Variants in PPP3CA observed in about 807,000 individuals in gnomAD.
PPP3CA encodes the protein CAM-PRP catalytic subunit.
Under a neutral mutation model 66.5 loss-of-function variants are expected in PPP3CA, and 14 were observed. That is an observed-to-expected ratio of 0.21 (90% CI 0.14 to 0.33). PPP3CA has a LOEUF of 0.33. PPP3CA is among the 10% of genes least tolerant of loss of function. The probability of loss-of-function intolerance (pLI) is 1.00; values close to 1 mark genes in which losing one functional copy is unlikely to be tolerated. For missense variants in PPP3CA, 317 were observed against 639.5 expected (o/e 0.50, Z 5.44); for synonymous variants, 232 against 226.2 (o/e 1.03, Z -0.23).
intron 1 of PPP3CA, among the ~76,000 whole-genome samples, chr4:101,275,860 G>GT (rs1560693186): frequency 1.2e-3 from 154 of 133,410 alleles, no homozygotes; most frequent in African/African-American, 4.6e-3. Context: ...GTGTATGTGT[G>GT]GTTTTTTTTT....
chr4:101,039,705 G>A lies in PPP3CA; in HGVS notation c.1241+777C>T, dbSNP rs1368410912. Among the ~76,000 whole-genome samples the A allele has an allele frequency of 4.2e-5, 6 of 144,104 alleles. No homozygotes were observed. The East Asian group carries it at 7.7e-4, about 19-fold the overall frequency. The allele number at this position is 144,104 out of a possible 152,430, so 94.5% of individuals were successfully genotyped here. A position where few individuals can be genotyped will look rare whatever the true frequency, so the allele number is the denominator to read the frequency against. On this transcript the variant is annotated intron_variant, in intron 11 of 13. Coordinates refer to ENST00000394854, the MANE Select transcript of PPP3CA (RefSeq NM_000944.5). ...AGGAGAAATCAAAAGAGCCAGTGTC[G>A]ATACTCTATGAGAAAGAGTTGGGGC...
intron 1 of PPP3CA, among the ~76,000 whole-genome samples, chr4:101,318,238 A>C (rs757676089): frequency 2.6e-5 from 4 of 152,186 alleles, no homozygotes; most frequent in African/African-American, 7.2e-5. Context: ...CTGTTCATAA[A>C]AGGCCTAGAC....
chr4:101,086,466 A>G (rs976041613), intron 6 of PPP3CA, among the ~76,000 whole-genome samples: 1 of 152,210 alleles, frequency 6.6e-6, no homozygotes. Flanking sequence ...ATATTGAACT[A>G]TATTTTCAAC....
intron 1 of PPP3CA, among the ~76,000 whole-genome samples, chr4:101,249,739 CCAA>C (rs1470978339): frequency 7.9e-5 from 12 of 152,052 alleles, no homozygotes; most frequent in Admixed American, 3.3e-4. Context: ...AGGACAGAAA[CCAA>C]CAACATTATA....
intron 3 of PPP3CA, among the ~76,000 whole-genome samples, chr4:101,106,871 C>A (rs562863719): frequency 6.6e-6 from 1 of 152,318 alleles, no homozygotes; most frequent in East Asian, 1.9e-4. Context: ...TAGGCCCTGG[C>A]ACCACGCTGT....
At chr4:101,188,681 C>T (rs912069969) in intron 2 of PPP3CA, among the ~76,000 whole-genome samples, 6 of 151,982 alleles carry the variant, frequency 3.9e-5, no homozygotes, top group Non-Finnish European at 8.8e-5. Context: ...TTTTCCCTAC[C>T]TCCTCAACAG....
Position 101,292,615 on chromosome 4 carries a change from G to C in PPP3CA, c.58+54124C>G, listed in dbSNP as rs747787631. On this transcript the variant is annotated intron_variant, in intron 1 of 13. Coordinates refer to ENST00000394854, the MANE Select transcript of PPP3CA (RefSeq NM_000944.5). Reference sequence around the variant, plus strand: ...CTCTATGCTTTGGCAATGAATTGAAGAGAGATTTTCTATTGCCACAGAACT... The same window carrying C: ...CTCTATGCTTTGGCAATGAATTGAACAGAGATTTTCTATTGCCACAGAACT... Among the ~76,000 whole-genome samples the C allele has an allele frequency of 2.4e-4, 37 of 152,294 alleles. No individual in the cohort carries two copies. The Middle Eastern group carries it at 0.01, about 42-fold the overall frequency.
At chr4:101,104,566 G>A (rs1160589491) in intron 3 of PPP3CA, among the ~76,000 whole-genome samples, 1 of 151,828 alleles carries the variant, frequency 6.6e-6, no homozygotes, top group Non-Finnish European at 1.5e-5. Context: ...TTTACCACGT[G>A]TGACCCCCGA....
chr4:101,311,776 A>T (rs1728729846), intron 1 of PPP3CA, among the ~76,000 whole-genome samples: 1 of 152,174 alleles, frequency 6.6e-6, no homozygotes, highest in South Asian at 2.1e-4. Context: ...GGATACAAAA[A>T]TGATACCAAA....
chr4:101,255,846 G>A (rs973534804), intron 1 of PPP3CA, among the ~76,000 whole-genome samples: 3 of 151,794 alleles, frequency 2.0e-5, no homozygotes, highest in African/African-American at 7.3e-5. Flanking sequence ...CATAATCACT[G>A]TTGGTTCTGT....
At position 101,282,808 on chromosome 4, in the gene PPP3CA, C is replaced by A. The variant is rs3804426; in HGVS notation, c.58+63931G>T. 1.5e-3 allele frequency among the ~76,000 whole-genome samples: 224 copies of A among 152,276 alleles called. 2 individuals are homozygous for A. In the East Asian group the frequency reaches 0.042, roughly 28 times the overall value. Reference sequence around the variant, plus strand: ...GCTGATTTACACAGAGGAGGAAAACCTGTTTCCGGGGCAGTCCCCAACATA... The same window carrying A: ...GCTGATTTACACAGAGGAGGAAAACATGTTTCCGGGGCAGTCCCCAACATA... On this transcript the variant is annotated intron_variant, in intron 1 of 13. Transcript: ENST00000394854.
At chr4:101,320,018 T>C (rs1305615909) in intron 1 of PPP3CA, among the ~76,000 whole-genome samples, 1 of 152,138 alleles carries the variant, frequency 6.6e-6, no homozygotes, top group East Asian at 1.9e-4. Context: ...CAATCCCCAA[T>C]TTCCATACGA....
At chr4:101,207,883 G>A (rs1340893018) in intron 1 of PPP3CA, among the ~76,000 whole-genome samples, 2 of 151,470 alleles carry the variant, frequency 1.3e-5, no homozygotes, top group African/African-American at 4.8e-5. Flanking sequence ...CTCAGCCTAA[G>A]CACATATATA....
At chr4:101,293,197 G>T (rs1024464441) in intron 1 of PPP3CA, among the ~76,000 whole-genome samples, 2 of 152,144 alleles carry the variant, frequency 1.3e-5, no homozygotes, top group African/African-American at 4.8e-5. Context: ...TGGAAAACAT[G>T]CCCTTTTCCC....
chr4:101,142,212 T>A (rs576516957), intron 2 of PPP3CA, among the ~76,000 whole-genome samples: 19 of 152,342 alleles, frequency 1.2e-4, no homozygotes, highest in African/African-American at 4.3e-4. Flanking sequence ...ATTTTAATTA[T>A]CTGTACAGAA....
At chr4:101,088,584 CA>C (rs1174497803) in intron 6 of PPP3CA, among the ~76,000 whole-genome samples, 1,352 of 35,734 alleles carry the variant, frequency 0.038, 1 homozygote, top group African/African-American at 0.05. Context: ...GACTCCATCT[CA>C]AAAAAAAAAA....
chr4:101,329,600 G>A (rs970037399), intron 1 of PPP3CA, among the ~76,000 whole-genome samples: 5 of 152,152 alleles, frequency 3.3e-5, no homozygotes, highest in African/African-American at 1.2e-4. Context: ...CTAGAGAGGG[G>A]AAGTGAACTC....
rs1223124291 is a variant in PPP3CA, at chr4:101,106,440, A to G, written c.384+2514T>C. ...AAGAAAGAAAGAAAGAAAGAAAGAA[A>G]GAAAGAAAGAAAGAGAAAAGAAAAG... is the stretch of plus-strand genomic sequence containing the variant. On this transcript the variant is annotated intron_variant, in intron 3 of 13. Coordinates refer to ENST00000394854, the MANE Select transcript of PPP3CA (RefSeq NM_000944.5). 3.7e-4 allele frequency among the ~76,000 whole-genome samples: 5 copies of G among 13,520 alleles called. 2 individuals are homozygous for G. Among genetic ancestry groups the G allele is most frequent in the Admixed American group, 2.0e-3 (2 of 994 alleles). The allele number at this position is 13,520 out of a possible 152,430, so 8.9% of individuals were successfully genotyped here. A position where few individuals can be genotyped will look rare whatever the true frequency, so the allele number is the denominator to read the frequency against.
rs1231812141 is a variant in PPP3CA, at chr4:101,106,422, AAAG to A, written c.384+2529_384+2531del. On this transcript the variant is annotated intron_variant, in intron 3 of 13. Transcript: ENST00000394854. ...GAAAGAAAGAAAGAAAGAAAGAAAG[AAAG>A]AAAGAAAGAAAGAAAGAAAGAAAGA... Among the ~76,000 whole-genome samples, 19 of 12,566 alleles carry A rather than the reference AAAG, an allele frequency of 1.5e-3. 5 individuals are homozygous for A. Among genetic ancestry groups the A allele is most frequent in the African/African-American group, 4.5e-3 (17 of 3,748 alleles). The allele number at this position is 12,566 out of a possible 152,430, so 8.2% of individuals were successfully genotyped here. A position where few individuals can be genotyped will look rare whatever the true frequency, so the allele number is the denominator to read the frequency against.
Sources: gnomAD v4.1 joint callset for allele counts (sites outside exome capture counted in the v4.1 genomes callset) on GRCh38, gnomAD v4.1.1 for gene constraint, MANE v1.5 for transcripts, NCBI Gene and HGNC (gene_info 2026-07-23, HGNC 2026-07-21) for gene names.